The following PTPRG variants were observed in gnomAD, a reference collection of about 807,000 sequenced individuals.
PTPRG encodes the protein protein tyrosine phosphatase receptor type G.
PTPRG carries 102 observed loss-of-function variants against 165.3 expected under a neutral mutation model. The ratio of observed to expected loss-of-function variants is 0.62; its 90% CI spans 0.53 to 0.73. The LOEUF is 0.73. Ranked by LOEUF, PTPRG falls within the 30% of genes least tolerant of loss-of-function variation. The probability of loss-of-function intolerance (pLI) is 0.00; values close to 1 mark genes in which losing one functional copy is unlikely to be tolerated. For missense variants in PTPRG, 1,866 were observed against 1,861.4 expected (o/e 1.00, Z -0.05); for synonymous variants, 675 against 669.5 (o/e 1.01, Z -0.13).
chr3:61,660,860 G>A (rs1383210505), intron 1 of PTPRG, among the ~76,000 whole-genome samples: 1 of 152,086 alleles, frequency 6.6e-6, no homozygotes, highest in Non-Finnish European at 1.5e-5. Flanking sequence ...AATTAGCTGG[G>A]CGTGGTGGTG....
At chr3:61,780,078 G>T (rs1361688405) in intron 2 of PTPRG, among the ~76,000 whole-genome samples, 1 of 152,192 alleles carries the variant, frequency 6.6e-6, no homozygotes, top group Non-Finnish European at 1.5e-5. Context: ...AAAAGTTGAT[G>T]TAAGAAGTTA....
At chr3:61,992,520 C>T (rs56908004) in intron 3 of PTPRG, among the ~76,000 whole-genome samples, 2,040 of 152,100 alleles carry the variant, frequency 0.013, 40 homozygotes, top group African/African-American at 0.047. Context: ...CCTCCATGCC[C>T]GGCTAATTTT....
chr3:61,688,137 G>C (rs934271028), intron 1 of PTPRG, among the ~76,000 whole-genome samples: 1 of 152,184 alleles, frequency 6.6e-6, no homozygotes, highest in Non-Finnish European at 1.5e-5. Context: ...TGTGTTGCCA[G>C]AACTGTCCTG....
rs17065598 is a variant in PTPRG at position 61,911,589 on chromosome 3, T to C, written c.191-78036T>C. Among the ~76,000 whole-genome samples, 1,375 of 152,344 alleles carry C rather than the reference T, an allele frequency of 9.0e-3. 21 individuals are homozygous for C. The highest frequency in any genetic ancestry group is 0.031 in the African/African-American group (1,275 of 41,572). On this transcript the variant is annotated intron_variant, in intron 2 of 29. Transcript: ENST00000474889. ...TTTTTAATAGGGGATGTATTTTACA[T>C]GTCATTACCTTAAATGTCATTATAT...
Position 62,214,352 on chromosome 3 carries a change from C to A in PTPRG, c.2156-4499C>A, listed in dbSNP as rs1322422004. 1.3e-5 allele frequency among the ~76,000 whole-genome samples: 2 copies of A among 152,138 alleles called. No homozygotes were observed. Among genetic ancestry groups the A allele is most frequent in the Non-Finnish European group, 2.9e-5 (2 of 68,044 alleles). On this transcript the variant is annotated intron_variant, in intron 12 of 29. Transcript: ENST00000474889. The surrounding 1 kb of genome is among the most constrained non-coding windows in gnomAD (Gnocchi z 5.2). ...GCCGAAGCTGGGGTGGTGGTGATGA[C>A]AATAATCACAATAGTTAACATTAAC...
chr3:61,877,441 A>C (rs1408284859), intron 2 of PTPRG, among the ~76,000 whole-genome samples: 1 of 152,204 alleles, frequency 6.6e-6, no homozygotes, highest in Non-Finnish European at 1.5e-5. Flanking sequence ...AACCACAGAG[A>C]AGCCACAAAG....
intron 1 of PTPRG, among the ~76,000 whole-genome samples, chr3:61,701,767 C>T (rs1036328850): frequency 6.6e-6 from 1 of 152,000 alleles, no homozygotes; most frequent in Non-Finnish European, 1.5e-5. Flanking sequence ...TGTCGTGTCA[C>T]GTGACTGTCA....
intron 1 of PTPRG, among the ~76,000 whole-genome samples, chr3:61,712,040 C>A (rs1404460147): frequency 6.6e-6 from 1 of 151,908 alleles, no homozygotes; most frequent in Non-Finnish European, 1.5e-5. Context: ...ATTATAGGCA[C>A]CTGCTACCAT....
chr3:61,589,237 T>A (rs1700508342), intron 1 of PTPRG, among the ~76,000 whole-genome samples: 1 of 152,168 alleles, frequency 6.6e-6, no homozygotes, highest in South Asian at 2.1e-4. Context: ...AGCACCACAA[T>A]GGAAGAATGC....
Position 61,971,588 on chromosome 3 carries a change from A to G in PTPRG, c.191-18037A>G, listed in dbSNP as rs370562830. Among the ~76,000 whole-genome samples, 307 of 152,348 alleles carry G rather than the reference A, an allele frequency of 2.0e-3. 1 individual carries two copies. The highest frequency in any genetic ancestry group is 7.1e-3 in the African/African-American group (295 of 41,592). On this transcript the variant is annotated intron_variant, in intron 2 of 29. Coordinates refer to ENST00000474889, the MANE Select transcript of PTPRG (RefSeq NM_002841.4). ...TTAGAGGTTGATGAGTAACTAGTCC[A>G]TGAGCAAGTTGCTTCAAAACTGTTC...
At chr3:62,059,772 G>T (rs114455985) in intron 4 of PTPRG, among the ~76,000 whole-genome samples, 2,654 of 152,154 alleles carry the variant, frequency 0.017, 70 homozygotes, top group African/African-American at 0.061. Context: ...GGAATTATGG[G>T]GGCCGTTACT....
intron 2 of PTPRG, among the ~76,000 whole-genome samples, chr3:61,830,566 G>GTTTTTTTTTT (rs57644199): frequency 5.8e-5 from 5 of 86,518 alleles, no homozygotes; most frequent in East Asian, 3.3e-4. Flanking sequence ...TTTTGTTTTT[G>GTTTTTTTTTT]TTTTTTTTTT....
intron 6 of PTPRG, among the ~76,000 whole-genome samples, chr3:62,145,983 G>A (rs1232049789): frequency 6.6e-6 from 1 of 152,136 alleles, no homozygotes; most frequent in Non-Finnish European, 1.5e-5. Flanking sequence ...GTTTTCCTTT[G>A]TGAATTAGGT....
At chr3:62,258,224 G>A (rs1701593749) in intron 16 of PTPRG, among the ~76,000 whole-genome samples, 1 of 152,088 alleles carries the variant, frequency 6.6e-6, no homozygotes, top group African/African-American at 2.4e-5. Context: ...CCTAAAATTA[G>A]TCTTAAAATT....
chr3:62,083,241 C>T (rs1239828801), intron 5 of PTPRG, among the ~76,000 whole-genome samples: 2 of 150,484 alleles, frequency 1.3e-5, no homozygotes, highest in East Asian at 1.9e-4. Flanking sequence ...CAATAGTAAT[C>T]GCGGTTTTTG....
At chr3:62,007,691 C>A (rs939810843) in intron 4 of PTPRG, among the ~76,000 whole-genome samples, 1 of 152,148 alleles carries the variant, frequency 6.6e-6, no homozygotes, top group Non-Finnish European at 1.5e-5. Flanking sequence ...AATATATGTG[C>A]AATTTCATTT....
chr3:61,813,192 G>C lies in PTPRG; in HGVS notation c.190+64210G>C, dbSNP rs571385979. 7.2e-5 allele frequency among the ~76,000 whole-genome samples: 11 copies of C among 151,998 alleles called. No homozygotes were observed. The East Asian group carries it at 2.1e-3, about 29-fold the overall frequency. ...GCTGTAGAAAGAGTAAGGTATTTTA[G>C]AATGAAAATCTTTGTGGGTATGGCT... On this transcript the variant is annotated intron_variant, in intron 2 of 29. Coordinates refer to ENST00000474889, the MANE Select transcript of PTPRG (RefSeq NM_002841.4).
intron 1 of PTPRG, among the ~76,000 whole-genome samples, chr3:61,568,018 C>T (rs1699961901): frequency 6.7e-6 from 1 of 150,218 alleles, no homozygotes; most frequent in African/African-American, 2.4e-5. Context: ...TGGGAGCAAC[C>T]ATCTTACTTG....
chr3:62,068,740 A>G (rs114569226), intron 4 of PTPRG, among the ~76,000 whole-genome samples: 124 of 152,278 alleles, frequency 8.1e-4, no homozygotes, highest in African/African-American at 2.9e-3. Context: ...GGAGATCTCA[A>G]AAACATCCTG....
Sources: gnomAD v4.1 joint callset for allele counts (sites outside exome capture counted in the v4.1 genomes callset) on GRCh38, gnomAD v4.1.1 for gene constraint, Gnocchi (gnomAD v3.1) non-coding constraint, MANE v1.5 for transcripts, NCBI Gene and HGNC (gene_info 2026-07-23, HGNC 2026-07-21) for gene names.